The following CAPZB variants were observed in gnomAD, a reference collection of about 807,000 sequenced individuals.
CAPZB encodes capping actin protein of muscle Z-line subunit beta.
A neutral mutation model predicts 38.1 loss-of-function variants in CAPZB; 2 were observed. That is an observed-to-expected ratio of 0.05 (90% CI 0.02 to 0.17). The LOEUF is 0.17. Among genes scored for constraint, CAPZB ranks in the 10% least tolerant of loss-of-function variants. The probability of loss-of-function intolerance (pLI) is 1.00; values close to 1 mark genes in which losing one functional copy is unlikely to be tolerated. For synonymous variants in CAPZB, 107 were observed against 127.4 expected (o/e 0.84, Z 1.08); for missense variants, 161 against 334.2 (o/e 0.48, Z 4.04).
At chr1:19,428,549 A>G (rs915361977) in intron 1 of CAPZB, among the ~76,000 whole-genome samples, 1 of 152,180 alleles carries the variant, frequency 6.6e-6, no homozygotes, top group Non-Finnish European at 1.5e-5. Context: ...TTTATAAACA[A>G]GTCTCTCCTT....
At chr1:19,433,419 T>A (rs1410635270) in intron 1 of CAPZB, among the ~76,000 whole-genome samples, 1 of 152,190 alleles carries the variant, frequency 6.6e-6, no homozygotes, top group Non-Finnish European at 1.5e-5. Context: ...AGTAAACTCC[T>A]TTTTTCATAG....
chr1:19,479,478 T>C (rs1234111676), intron 1 of CAPZB, among the ~76,000 whole-genome samples: 1 of 152,162 alleles, frequency 6.6e-6, no homozygotes, highest in African/African-American at 2.4e-5. Flanking sequence ...TGACCTGAAA[T>C]AGCTGTGTGT....
At chr1:19,471,760 G>A (rs1360081609) in intron 1 of CAPZB, among the ~76,000 whole-genome samples, 4 of 152,030 alleles carry the variant, frequency 2.6e-5, no homozygotes, top group Admixed American at 6.6e-5. Context: ...CCAGCTACTC[G>A]GGAGGCTGAG....
Position 19,358,702 on chromosome 1 carries a change from C to T in CAPZB, c.330-1139G>A, listed in dbSNP as rs551180427. Among the ~76,000 whole-genome samples, 10 of 152,324 alleles carry T rather than the reference C, an allele frequency of 6.6e-5. No homozygotes were observed. In the South Asian group the frequency reaches 1.2e-3, roughly 19 times the overall value. On this transcript the variant is annotated intron_variant, in intron 4 of 8. Coordinates refer to ENST00000264202, the MANE Select transcript of CAPZB (RefSeq NM_004930.5). ...TTGTGGCGAAAGTCTGTAGCCTCTCCGACCCCAATTAAGCCCCAAAGAGAG... is the reference window on the plus strand; with the variant it reads ...TTGTGGCGAAAGTCTGTAGCCTCTCTGACCCCAATTAAGCCCCAAAGAGAG...
At chr1:19,380,857 T>TAA (rs879881235) in intron 3 of CAPZB, among the ~76,000 whole-genome samples, 5 of 147,118 alleles carry the variant, frequency 3.4e-5, no homozygotes, top group South Asian at 2.2e-4. Flanking sequence ...ACACGCTCAT[T>TAA]AAAAAAAAAA....
chr1:19,434,902 A>G (rs757259093), intron 1 of CAPZB, among the ~76,000 whole-genome samples: 16 of 151,860 alleles, frequency 1.1e-4, no homozygotes, highest in Non-Finnish European at 1.6e-4. Context: ...CTGGGGGACA[A>G]AACACCCAAA....
intron 2 of CAPZB, among the ~76,000 whole-genome samples, chr1:19,406,893 C>G (rs563845585): frequency 6.6e-6 from 1 of 152,278 alleles, no homozygotes; most frequent in African/African-American, 2.4e-5. Context: ...TTACACCCCC[C>G]ATCTCTCATT....
intron 4 of CAPZB, among the ~76,000 whole-genome samples, chr1:19,360,635 C>G (rs1404548822): frequency 3.3e-5 from 5 of 152,210 alleles, no homozygotes; most frequent in African/African-American, 4.8e-5. Context: ...CCCACGGCTG[C>G]TTCCCCTCAG....
At chr1:19,342,735 GCT>G (rs1326401469) in intron 8 of CAPZB, 13 of 1,528,500 alleles carry the variant, frequency 8.5e-6, no homozygotes, top group Non-Finnish European at 1.2e-5. Context: ...GGGTCTCGCG[GCT>G]CTCAGGCAGG....
rs543455414 is a variant in CAPZB at position 19,350,046 on chromosome 1, C to T, written c.589-4794G>A. Among the ~76,000 whole-genome samples, 33 of 152,346 alleles carry T rather than the reference C, an allele frequency of 2.2e-4. No homozygotes were observed. The East Asian group carries it at 2.5e-3, about 12-fold the overall frequency. ...AGGTGGTTCCAATGGCGTCTGAAGCCGGAGCCTGGCCCGTGTGTCCCCAGC... is the reference window on the plus strand; with the variant it reads ...AGGTGGTTCCAATGGCGTCTGAAGCTGGAGCCTGGCCCGTGTGTCCCCAGC... On this transcript the variant is annotated intron_variant, in intron 6 of 8. Transcript: ENST00000264202.
intron 8 of CAPZB, among the ~76,000 whole-genome samples, chr1:19,342,479 T>C (rs538732697): frequency 1.3e-5 from 2 of 152,324 alleles, no homozygotes; most frequent in East Asian, 1.9e-4. Flanking sequence ...ATCCGTCCCT[T>C]GGCCTGGGCT....
At chr1:19,380,159 C>T (rs553848207) in intron 3 of CAPZB, among the ~76,000 whole-genome samples, 2 of 152,224 alleles carry the variant, frequency 1.3e-5, no homozygotes, top group Non-Finnish European at 2.9e-5. Context: ...GCCTCTTCCA[C>T]CAGCCACCCG....
intron 1 of CAPZB, among the ~76,000 whole-genome samples, chr1:19,454,478 TAA>T (rs1190534491): frequency 2.0e-5 from 3 of 152,206 alleles, no homozygotes; most frequent in African/African-American, 7.2e-5. Flanking sequence ...ATAAGAGTCC[TAA>T]GAGTCACTCC....
chr1:19,392,652 A>C (rs964845792), intron 2 of CAPZB, among the ~76,000 whole-genome samples: 2 of 151,700 alleles, frequency 1.3e-5, no homozygotes, highest in Non-Finnish European at 2.9e-5. Context: ...ATAGCCAGGC[A>C]TGGTGGCATG....
chr1:19,376,207 G>A (rs574612486), intron 4 of CAPZB, among the ~76,000 whole-genome samples: 3 of 152,330 alleles, frequency 2.0e-5, no homozygotes, highest in African/African-American at 7.2e-5. Context: ...CCTCCTCATA[G>A]AACAGAAGGG....
In CAPZB at chr1:19,437,213, T is replaced by C. The variant is rs149239197; in HGVS notation, c.4-17463A>G. Among the ~76,000 whole-genome samples the C allele has an allele frequency of 1.4e-4, 21 of 152,280 alleles. No homozygotes were observed. The East Asian group carries it at 1.7e-3, about 13-fold the overall frequency. On this transcript the variant is annotated intron_variant, in intron 1 of 8. Coordinates refer to ENST00000264202, the MANE Select transcript of CAPZB (RefSeq NM_004930.5). ...TCATTAAAAGCAAACAGTCTTGCAA[T>C]AAGGAACCGTAAGCTAGGAAGGCCT...
intron 1 of CAPZB, among the ~76,000 whole-genome samples, chr1:19,432,042 C>CAAAAAAAAAA (rs10583269): frequency 4.0e-4 from 49 of 122,546 alleles, no homozygotes; most frequent in East Asian, 9.6e-4. Context: ...GATCCTGTCT[C>CAAAAAAAAAA]AAAAAAAAAA....
chr1:19,421,904 C>T (rs1329881051), intron 1 of CAPZB, among the ~76,000 whole-genome samples: 2 of 152,152 alleles, frequency 1.3e-5, no homozygotes, highest in Middle Eastern at 3.2e-3. Context: ...AATAAACATA[C>T]AGCTTTTAAA....
intron 1 of CAPZB, among the ~76,000 whole-genome samples, chr1:19,458,635 C>T (rs920424084): frequency 1.2e-4 from 19 of 152,228 alleles, no homozygotes; most frequent in African/African-American, 3.9e-4. Context: ...GGATTACAGG[C>T]GTGAGCCACC....
Sources: allele counts gnomAD v4.1 joint callset (sites outside exome capture counted in the v4.1 genomes callset), GRCh38; gene constraint gnomAD v4.1.1; transcripts MANE v1.5; gene names NCBI Gene and HGNC (gene_info 2026-07-23, HGNC 2026-07-21).